RIMS2: variants seen among roughly 807,000 people sequenced by gnomAD.
RIMS2 encodes regulating synaptic membrane exocytosis protein 2.
RIMS2 carries 59 observed loss-of-function variants against 174.4 expected under a neutral mutation model. That is an observed-to-expected ratio of 0.34 (90% CI 0.27 to 0.42). The LOEUF is 0.42. RIMS2 is among the 10% of genes least tolerant of loss of function. RIMS2 has a pLI of 1.00. For missense variants in RIMS2, 1,620 were observed against 1,666.3 expected, an observed-to-expected ratio of 0.97 and a Z score of 0.48; for synonymous variants, 606 against 572.5, an observed-to-expected ratio of 1.06 and a Z score of -0.84.
chr8:103,971,379 T>A (rs1433628831), intron 15 of RIMS2, among the ~76,000 whole-genome samples: 1 of 152,178 alleles, frequency 6.6e-6, no homozygotes, highest in African/African-American at 2.4e-5. Flanking sequence ...ATATATGTAA[T>A]CTTTCCTTGG....
chr8:104,166,376 C>T (rs2098798528), intron 19 of RIMS2, among the ~76,000 whole-genome samples: 1 of 151,900 alleles, frequency 6.6e-6, no homozygotes, highest in African/African-American at 2.4e-5. Flanking sequence ...TGGATGACTT[C>T]TTGAAGGTTT....
At chr8:104,085,289 T>G (rs1308294145) in intron 19 of RIMS2, among the ~76,000 whole-genome samples, 1 of 152,208 alleles carries the variant, frequency 6.6e-6, no homozygotes, top group Non-Finnish European at 1.5e-5. Flanking sequence ...GAATGCCTGC[T>G]GTAGCTGTAG....
chr8:104,101,951 T>C (rs558914357), intron 19 of RIMS2, among the ~76,000 whole-genome samples: 1 of 152,178 alleles, frequency 6.6e-6, no homozygotes, highest in Admixed American at 6.5e-5. Flanking sequence ...GTCTTCTTTG[T>C]GAGCTTTCTA....
intron 3 of RIMS2, among the ~76,000 whole-genome samples, chr8:103,800,834 C>T (rs2098602504): frequency 6.6e-6 from 1 of 152,076 alleles, no homozygotes; most frequent in South Asian, 2.1e-4. Context: ...ATGCTGGCCT[C>T]CTAAGATAAG....
At chr8:103,692,312 TC>T (rs1446377254) in intron 1 of RIMS2, among the ~76,000 whole-genome samples, 1 of 152,166 alleles carries the variant, frequency 6.6e-6, no homozygotes, top group Non-Finnish European at 1.5e-5. Context: ...TGCTTCCTCT[TC>T]CCAGACAAGC....
chr8:103,890,360 A>C (rs1038797585), intron 4 of RIMS2, among the ~76,000 whole-genome samples: 7 of 151,772 alleles, frequency 4.6e-5, no homozygotes, highest in African/African-American at 1.7e-4. Flanking sequence ...TCTGCCAAGA[A>C]CTCTTTCAGT....
chr8:104,122,216 G>T (rs1438501688), intron 19 of RIMS2, among the ~76,000 whole-genome samples: 4 of 151,974 alleles, frequency 2.6e-5, no homozygotes, highest in South Asian at 4.1e-4. Flanking sequence ...TTTTGTATGT[G>T]GAGATTTAAG....
chr8:103,749,181 G>T (rs926492229), intron 2 of RIMS2, among the ~76,000 whole-genome samples: 8 of 145,118 alleles, frequency 5.5e-5, no homozygotes, highest in African/African-American at 2.0e-4. Context: ...GCGTGATCTC[G>T]GCTTACTGCA....
chr8:103,691,256 T>C (rs918116647), intron 1 of RIMS2, among the ~76,000 whole-genome samples: 2 of 152,214 alleles, frequency 1.3e-5, no homozygotes, highest in Non-Finnish European at 2.9e-5. Flanking sequence ...TTCTCTGTTA[T>C]TATCCCTTCG....
rs559752174 is a variant in RIMS2, at chr8:103,836,803, A to G, written c.699-48495A>G. 5.6e-4 allele frequency among the ~76,000 whole-genome samples: 86 copies of G among 152,326 alleles called. 1 individual carries two copies. The highest frequency in any genetic ancestry group is 1.7e-3 in the African/African-American group (72 of 41,580). ...ATACACATAGAGAAATGTGTGCTTTAAAAACTATTACCATATTTCCCATGA... is the reference window on the plus strand; with the variant it reads ...ATACACATAGAGAAATGTGTGCTTTGAAAACTATTACCATATTTCCCATGA... On this transcript the variant is annotated intron_variant, in intron 3 of 23. Coordinates refer to ENST00000504942, the Ensembl canonical transcript of RIMS2.
intron 19 of RIMS2, among the ~76,000 whole-genome samples, chr8:104,227,367 C>A (rs560182424): frequency 6.6e-6 from 1 of 151,778 alleles, no homozygotes; most frequent in South Asian, 2.1e-4. Flanking sequence ...TATCACTGAA[C>A]CCTTTGAGAT....
intron 16 of RIMS2, 37 bp from the exon 19 acceptor site, chr8:103,989,268 G>C (rs1565707050): frequency 2.5e-6 from 3 of 1,195,804 alleles, no homozygotes; most frequent in South Asian, 2.5e-5. Context: ...TGTTTCAAAT[G>C]GTTTACTAAG....
chr8:103,552,807 A>G lies in RIMS2; in HGVS notation c.176+51745A>G, dbSNP rs554327519. Reference sequence around the variant, plus strand: ...AAAGGATATGAACAGACACTTCTCAAAAGAAGACATTTATGCAGCCAAAAC... The same window carrying G: ...AAAGGATATGAACAGACACTTCTCAGAAGAAGACATTTATGCAGCCAAAAC... On this transcript the variant is annotated intron_variant, in intron 1 of 23. Transcript: ENST00000504942. 1.8e-4 allele frequency among the ~76,000 whole-genome samples: 28 copies of G among 152,366 alleles called. 1 individual carries two copies. Among genetic ancestry groups the G allele is most frequent in the Admixed American group, 1.3e-4 (2 of 15,308 alleles).
chr8:103,911,857 AT>A (rs2075740169), intron 5 of RIMS2, among the ~76,000 whole-genome samples, 195 bp from the exon 9 acceptor site: 2 of 152,222 alleles, frequency 1.3e-5, no homozygotes, highest in South Asian at 4.1e-4. Flanking sequence ...TTGAGATTAT[AT>A]TGAGGTTATA....
intron 1 of RIMS2, among the ~76,000 whole-genome samples, chr8:103,662,111 A>G (rs1481891192): frequency 2.6e-5 from 4 of 152,220 alleles, no homozygotes; most frequent in African/African-American, 7.2e-5. Context: ...AAAAGTTTCC[A>G]AAAATCTTAT....
chr8:104,173,091 C>A (rs528348346), intron 19 of RIMS2, among the ~76,000 whole-genome samples: 1 of 152,288 alleles, frequency 6.6e-6, no homozygotes, highest in South Asian at 2.1e-4. Flanking sequence ...TACAATTTTC[C>A]TGCTTACTAC....
At chr8:103,629,357 C>T (rs184107018) in intron 1 of RIMS2, among the ~76,000 whole-genome samples, 5 of 152,310 alleles carry the variant, frequency 3.3e-5, no homozygotes, top group East Asian at 3.9e-4. Context: ...AAACAGCAAA[C>T]GCTTTAAGAA....
chr8:104,141,497 A>T (rs961166125), intron 19 of RIMS2, among the ~76,000 whole-genome samples: 1 of 152,218 alleles, frequency 6.6e-6, no homozygotes, highest in Non-Finnish European at 1.5e-5. Context: ...ATTTGGAGAC[A>T]TAATACTGAG....
intron 19 of RIMS2, among the ~76,000 whole-genome samples, chr8:104,054,764 C>G (rs1007603061): frequency 6.6e-6 from 1 of 151,974 alleles, no homozygotes; most frequent in African/African-American, 2.4e-5. Flanking sequence ...CTTTAAGTAT[C>G]AAAAATTTTA....
Sources: allele counts gnomAD v4.1 joint callset (sites outside exome capture counted in the v4.1 genomes callset), GRCh38; gene constraint gnomAD v4.1.1; transcripts MANE v1.5; gene names NCBI Gene and HGNC (gene_info 2026-07-23, HGNC 2026-07-21).